The following ANKRD42 variants were observed in gnomAD, a reference collection of about 807,000 sequenced individuals.
The protein encoded by ANKRD42 is ankyrin repeat domain-containing protein 42.
A neutral mutation model predicts 51.5 loss-of-function variants in ANKRD42; 43 were observed. The observed-to-expected ratio is 0.83, with a 90% CI of 0.65 to 1.08. The LOEUF (loss-of-function observed/expected upper bound fraction) is 1.08. ANKRD42 is among the 50% of genes least tolerant of loss of function. The pLI, the probability that ANKRD42 is intolerant of heterozygous loss-of-function variation, is 0.00. For synonymous variants in ANKRD42, 203 were observed against 213.0 expected, an observed-to-expected ratio of 0.95 and a Z score of 0.41; for missense variants, 608 against 629.3, an observed-to-expected ratio of 0.97 and a Z score of 0.36.
chr11:83,262,902 C>A (rs1317129489), downstream of ANKRD42, among the ~76,000 whole-genome samples: 1 of 152,104 alleles, frequency 6.6e-6, no homozygotes, highest in Non-Finnish European at 1.5e-5. Context: ...CCCATTTGAT[C>A]CTGCTACTAT....
chr11:83,256,773 T>C (rs1255819282), downstream of ANKRD42, among the ~76,000 whole-genome samples: 1 of 152,166 alleles, frequency 6.6e-6, no homozygotes, highest in Non-Finnish European at 1.5e-5. Context: ...CAGAACTAGT[T>C]TGCTGTGACA....
At chr11:83,234,105 T>C (rs1863160160) in intron 7 of ANKRD42, among the ~76,000 whole-genome samples, 2 of 152,352 alleles carry the variant, frequency 1.3e-5, no homozygotes, top group South Asian at 4.1e-4. Context: ...GTTTCCATTA[T>C]CATGTGTTTC....
intron 4 of ANKRD42, 131 bp downstream of exon 4, chr11:83,210,550 TCTAG>T: frequency 8.9e-7 from 1 of 1,126,276 alleles, no homozygotes. Context: ...AATTTTTCTC[TCTAG>T]CTTTTCTATC....
At chr11:83,200,048 C>G (rs1420451731) in intron 2 of ANKRD42, among the ~76,000 whole-genome samples, 1 of 151,908 alleles carries the variant, frequency 6.6e-6, no homozygotes, top group African/African-American at 2.4e-5. Flanking sequence ...ACAGATGTCT[C>G]CTAGTTTCAT....
chr11:83,213,700 A>G (rs962409225), intron 5 of ANKRD42: 1 of 353,828 alleles, frequency 2.8e-6, no homozygotes, highest in Non-Finnish European at 4.3e-6. Context: ...TACTAGTTCA[A>G]ATCTTTTGCC....
chr11:83,234,733 T>A (rs938878390), intron 7 of ANKRD42, among the ~76,000 whole-genome samples: 2 of 152,190 alleles, frequency 1.3e-5, no homozygotes, highest in Non-Finnish European at 2.9e-5. Context: ...TGTTGCCATT[T>A]TTGTCTAAAG....
At chr11:83,237,389 CTTT>C in intron 8 of ANKRD42, among the ~76,000 whole-genome samples, 1 of 82,634 alleles carries the variant, frequency 1.2e-5, no homozygotes, top group Non-Finnish European at 2.8e-5. Flanking sequence ...AAAAACTTTT[CTTT>C]TGAGGAAGCA....
chr11:83,244,609 TC>T (rs1863488216), intron 9 of ANKRD42, among the ~76,000 whole-genome samples: 1 of 152,158 alleles, frequency 6.6e-6, no homozygotes, highest in Non-Finnish European at 1.5e-5. Flanking sequence ...ACCTCCCTGT[TC>T]CACACTCTCA....
intron 11 of ANKRD42, among the ~76,000 whole-genome samples, chr11:83,254,204 G>C (rs150840912): frequency 1.3e-5 from 2 of 151,914 alleles, no homozygotes; most frequent in African/African-American, 4.8e-5. Context: ...AAACTCCTGA[G>C]CTCAAAGTGA....
intron 2 of ANKRD42, among the ~76,000 whole-genome samples, chr11:83,199,017 A>G (rs1361295957): frequency 6.6e-6 from 1 of 152,186 alleles, no homozygotes; most frequent in Non-Finnish European, 1.5e-5. Flanking sequence ...TAGGCACCTT[A>G]AACTTCATCC....
chr11:83,244,214 C>G (rs1005483649), intron 9 of ANKRD42, among the ~76,000 whole-genome samples: 5 of 152,100 alleles, frequency 3.3e-5, no homozygotes, highest in Non-Finnish European at 7.4e-5. Context: ...CTCCCAACCT[C>G]AAGTGATCCG....
downstream of ANKRD42, chr11:83,261,962 C>G (rs8789): frequency 1.9e-6 from 3 of 1,589,332 alleles, no homozygotes; most frequent in Non-Finnish European, 2.6e-6. Context: ...AAGTAAACAC[C>G]GAAGCTGTGA....
intron 1 of ANKRD42, 104 bp from the exon 2 acceptor site, chr11:83,198,375 G>A (rs756699687): frequency 1.8e-6 from 2 of 1,138,294 alleles, no homozygotes; most frequent in African/African-American, 1.6e-5. Flanking sequence ...TAAATTATTT[G>A]GAAAGCCAAA....
downstream of ANKRD42, among the ~76,000 whole-genome samples, chr11:83,251,377 CACTTA>C (rs993983493): frequency 1.1e-4 from 16 of 152,274 alleles, no homozygotes; most frequent in African/African-American, 3.9e-4. Flanking sequence ...TTTATAAGAT[CACTTA>C]ACTTATGTTA....
chr11:83,194,158 G>A lies in ANKRD42; in HGVS notation c.-513G>A, dbSNP rs1331603567. The A allele has an allele frequency of 2.2e-6, 1 of 457,050 alleles. No individual in the cohort carries two copies. Among genetic ancestry groups the A allele is most frequent in the Admixed American group, 2.3e-5 (1 of 42,588 alleles). The allele number at this position is 457,050 out of a possible 1,614,324, so 28.3% of individuals were successfully genotyped here. A position where few individuals can be genotyped will look rare whatever the true frequency, so the allele number is the denominator to read the frequency against. On this transcript the variant is annotated 5_prime_UTR_variant, in exon 1 of 11. The change creates a new upstream start codon in the 5' untranslated region. Transcript: ENST00000533342. ...AGACAGCACCTTCTGCAGCAGCGACGTGAATTTTAGTGAAGTTGGAGGCCA... is the reference window on the plus strand; with the variant it reads ...AGACAGCACCTTCTGCAGCAGCGACATGAATTTTAGTGAAGTTGGAGGCCA...
At chr11:83,234,928 T>C (rs1249874239) in intron 7 of ANKRD42, among the ~76,000 whole-genome samples, 1 of 152,196 alleles carries the variant, frequency 6.6e-6, no homozygotes, top group Non-Finnish European at 1.5e-5. Flanking sequence ...TGTAGGACTG[T>C]AGTGATAGGG....
chr11:83,239,043 C>T (rs975056665), intron 8 of ANKRD42, among the ~76,000 whole-genome samples: 5 of 151,954 alleles, frequency 3.3e-5, no homozygotes, highest in Non-Finnish European at 5.9e-5. Context: ...CAATGGATGT[C>T]AATTTCTGTT....
chr11:83,225,338 G>A (rs1300810211), intron 6 of ANKRD42, among the ~76,000 whole-genome samples: 1 of 152,112 alleles, frequency 6.6e-6, no homozygotes, highest in East Asian at 1.9e-4. Flanking sequence ...AGTCTGAGGT[G>A]AGTGGATTGC....
At chr11:83,256,581 T>G (rs964958485), downstream of ANKRD42, among the ~76,000 whole-genome samples, 6 of 152,130 alleles carry the variant, frequency 3.9e-5, no homozygotes, top group Non-Finnish European at 8.8e-5. Flanking sequence ...CTTCCCTCCA[T>G]GAGCTAGCAA....
Sources: gnomAD v4.1 joint callset for allele counts (sites outside exome capture counted in the v4.1 genomes callset) on GRCh38, gnomAD v4.1.1 for gene constraint, MANE v1.5 for transcripts, NCBI Gene and HGNC (gene_info 2026-07-23, HGNC 2026-07-21) for gene names.